The following APP variants were observed in gnomAD, a reference collection of about 807,000 sequenced individuals.
APP encodes amyloid beta precursor protein.
Under a neutral mutation model 101.4 loss-of-function variants are expected in APP, and 31 were observed. The ratio of observed to expected loss-of-function variants is 0.31; its 90% CI spans 0.23 to 0.41. The LOEUF (loss-of-function observed/expected upper bound fraction) is 0.41, where lower values mean the gene tolerates loss of function less well. APP is among the 10% of genes least tolerant of loss of function. APP has a pLI of 1.00. For synonymous variants in APP, 366 were observed against 364.4 expected (o/e 1.00, Z -0.05); for missense variants, 839 against 1,003.7 (o/e 0.84, Z 2.22).
At chr21:26,061,679 G>A (rs890946298) in intron 3 of APP, among the ~76,000 whole-genome samples, 1 of 152,204 alleles carries the variant, frequency 6.6e-6, no homozygotes, top group Non-Finnish European at 1.5e-5. Context: ...AAAAGTGGCT[G>A]TTGCCGTCAC....
intron 13 of APP, among the ~76,000 whole-genome samples, chr21:25,918,065 C>T (rs562246734): frequency 5.3e-5 from 8 of 152,156 alleles, no homozygotes; most frequent in East Asian, 1.9e-4. Flanking sequence ...GAAATAGGCA[C>T]GCTTTTACAC....
chr21:25,915,168 C>T (rs1028735625), intron 13 of APP, among the ~76,000 whole-genome samples: 2 of 152,234 alleles, frequency 1.3e-5, no homozygotes, highest in Admixed American at 1.3e-4. Flanking sequence ...CACCACACCT[C>T]TCTCTCAGGC....
intron 8 of APP, among the ~76,000 whole-genome samples, chr21:25,995,730 T>TTACAG (rs2043029205): frequency 6.6e-6 from 1 of 152,218 alleles, no homozygotes; most frequent in African/African-American, 2.4e-5. Flanking sequence ...AGAAAAATGC[T>TTACAG]TTTTTCACAA....
chr21:26,128,900 T>G (rs2062736187), intron 1 of APP, among the ~76,000 whole-genome samples: 1 of 152,212 alleles, frequency 6.6e-6, no homozygotes, highest in Non-Finnish European at 1.5e-5. Flanking sequence ...CAGATCATTC[T>G]GAGTGAAACA....
intron 2 of APP, among the ~76,000 whole-genome samples, chr21:26,110,613 T>A (rs977256537): frequency 6.6e-6 from 1 of 152,158 alleles, no homozygotes; most frequent in African/African-American, 2.4e-5. Context: ...AAACACCAAT[T>A]AGTAATTAGA....
At chr21:25,990,467 G>A (rs1006808618) in intron 8 of APP, among the ~76,000 whole-genome samples, 1 of 151,274 alleles carries the variant, frequency 6.6e-6, no homozygotes, top group African/African-American at 2.4e-5. Context: ...GTCCAGAATG[G>A]GTTAACCTTA....
At chr21:25,915,563 T>G (rs1569050400) in intron 13 of APP, among the ~76,000 whole-genome samples, 6 of 152,262 alleles carry the variant, frequency 3.9e-5, no homozygotes. Flanking sequence ...TTCCAATATC[T>G]TTAGCAGTCT....
intron 2 of APP, among the ~76,000 whole-genome samples, chr21:26,109,641 A>G (rs2062266481): frequency 6.6e-6 from 1 of 152,244 alleles, no homozygotes; most frequent in Admixed American, 6.5e-5. Flanking sequence ...ACAGGCTAAG[A>G]CAGAAAGTAA....
intron 6 of APP, among the ~76,000 whole-genome samples, chr21:26,018,771 T>C (rs1346146271): frequency 2.0e-5 from 3 of 152,228 alleles, no homozygotes; most frequent in African/African-American, 7.2e-5. Flanking sequence ...TTTCAGAAGG[T>C]TGCTTTTGTT....
intron 1 of APP, among the ~76,000 whole-genome samples, chr21:26,124,530 C>T (rs1038922144): frequency 1.3e-4 from 20 of 152,182 alleles, no homozygotes; most frequent in African/African-American, 4.8e-4. Context: ...ATTACATAAA[C>T]AGTGTGAGCA....
intron 11 of APP, among the ~76,000 whole-genome samples, chr21:25,957,186 C>T (rs1175054345): frequency 6.6e-6 from 1 of 152,176 alleles, no homozygotes; most frequent in Non-Finnish European, 1.5e-5. Flanking sequence ...GCCATCACAG[C>T]TTGCAACAGT....
intron 15 of APP, among the ~76,000 whole-genome samples, chr21:25,901,635 T>C (rs1180456698): frequency 6.6e-6 from 1 of 152,172 alleles, no homozygotes; most frequent in African/African-American, 2.4e-5. Flanking sequence ...TAATAAAATG[T>C]GATGAGTAGT....
At chr21:26,135,353 T>C (rs564771954) in intron 1 of APP, among the ~76,000 whole-genome samples, 8 of 152,236 alleles carry the variant, frequency 5.3e-5, no homozygotes, top group Non-Finnish European at 1.0e-4. Flanking sequence ...ACGACTTCTA[T>C]AACTTAAAGA....
chr21:25,944,816 A>C (rs1011427944), intron 13 of APP, among the ~76,000 whole-genome samples: 2 of 152,128 alleles, frequency 1.3e-5, no homozygotes, highest in Admixed American at 1.3e-4. Flanking sequence ...AAGACTCTAC[A>C]AAAAAAGCAG....
At chr21:26,086,792 T>C (rs946689129) in intron 3 of APP, among the ~76,000 whole-genome samples, 2 of 152,246 alleles carry the variant, frequency 1.3e-5, no homozygotes, top group Non-Finnish European at 2.9e-5. Context: ...TCTTTTTTAG[T>C]GCTATTGTCT....
At chr21:26,166,072 A>T (rs1024979432) in intron 1 of APP, among the ~76,000 whole-genome samples, 10 of 152,192 alleles carry the variant, frequency 6.6e-5, no homozygotes, top group Admixed American at 6.5e-4. Flanking sequence ...TTCCAAGAAA[A>T]ATACTAGTGT....
intron 11 of APP, among the ~76,000 whole-genome samples, chr21:25,971,461 G>C (rs1473871381): frequency 6.6e-6 from 1 of 152,248 alleles, no homozygotes; most frequent in African/African-American, 2.4e-5. Flanking sequence ...TCCAGGTCAT[G>C]GTTTCAGGTG....
chr21:26,162,824 C>T (rs1294753654), intron 1 of APP, among the ~76,000 whole-genome samples: 3 of 141,686 alleles, frequency 2.1e-5, no homozygotes, highest in East Asian at 2.0e-4. Context: ...TCAATGAAGA[C>T]AGTATGTGGC....
intron 6 of APP, 87 bp from the exon 7 acceptor site, chr21:26,000,269 CTCCCAGTGGCAACCTGGACTGG>C (rs1193120627): frequency 1.3e-6 from 2 of 1,532,880 alleles, no homozygotes; most frequent in African/African-American, 2.7e-5. Flanking sequence ...TCTTTTAATC[CTCCCAGTGGCAACCTGGACTGG>C]TTTATTAGGC....
Sources: gnomAD v4.1 joint callset for allele counts (sites outside exome capture counted in the v4.1 genomes callset) on GRCh38, gnomAD v4.1.1 for gene constraint, MANE v1.5 for transcripts, NCBI Gene and HGNC (gene_info 2026-07-23, HGNC 2026-07-21) for gene names.